RAPH1: variants seen among roughly 807,000 people sequenced by gnomAD.
RAPH1 encodes ras-associated and pleckstrin homology domains-containing protein 1.
A neutral mutation model predicts 88.1 loss-of-function variants in RAPH1; 18 were observed. The ratio of observed to expected loss-of-function variants is 0.20; its 90% CI spans 0.14 to 0.30. RAPH1 has a LOEUF of 0.30. Among genes scored for constraint, RAPH1 ranks in the 10% least tolerant of loss-of-function variants. The probability of loss-of-function intolerance (pLI) is 1.00; values close to 1 mark genes in which losing one functional copy is unlikely to be tolerated. For missense variants in RAPH1, 1,448 were observed against 1,543.2 expected, an observed-to-expected ratio of 0.94 and a Z score of 1.03; for synonymous variants, 587 against 559.0, an observed-to-expected ratio of 1.05 and a Z score of -0.71.
At chr2:203,496,353 C>T (rs1216068285) in intron 1 of RAPH1, among the ~76,000 whole-genome samples, 3 of 137,558 alleles carry the variant, frequency 2.2e-5, no homozygotes, top group Non-Finnish European at 4.7e-5. Flanking sequence ...AGTGAAACTC[C>T]GTCTCAAAAA....
In RAPH1 at chr2:203,440,477, G is replaced by T; in HGVS notation, c.2713C>A (p.Gln905Lys). ...PPAVKAKPKW[Q>K]PSSIPVPSPD... ...GAAGGGACTGGGATGGAGCTGGGCT[G>T]CCACTTGGGCTTTGCTTTTACTGCA... Residue 905 changes from glutamine (Q) to lysine (K), a missense_variant, in exon 14 of 14, where the codon CAG becomes AAG. Physicochemically the swap from Gln to Lys is moderately conservative, Grantham distance 53. Around this residue, in one of 2 missense-constraint regions of RAPH1, gnomAD observed 935 missense variants for 890.1 expected, o/e 1.05. Coordinates refer to ENST00000319170, the MANE Select transcript of RAPH1 (RefSeq NM_213589.3). 6.5e-7 allele frequency: 1 copy of T among 1,533,266 alleles called. No homozygotes were observed. The allele number at this position is 1,533,266 out of a possible 1,614,324, so 95.0% of individuals were successfully genotyped here. A position where few individuals can be genotyped will look rare whatever the true frequency, so the allele number is the denominator to read the frequency against.
intron 4 of RAPH1, among the ~76,000 whole-genome samples, chr2:203,478,529 G>A (rs185538791): frequency 8.6e-5 from 13 of 150,634 alleles, no homozygotes; most frequent in Non-Finnish European, 1.6e-4. Context: ...TCACTCTGTC[G>A]CTCGGGCTGG....
chr2:203,451,901 G>T (rs1368518176), intron 10 of RAPH1, among the ~76,000 whole-genome samples: 1 of 152,160 alleles, frequency 6.6e-6, no homozygotes, highest in Non-Finnish European at 1.5e-5. Flanking sequence ...CTCAAAAGGA[G>T]GGTGGTTGAG....
chr2:203,519,587 C>G (rs915870411), intron 1 of RAPH1, among the ~76,000 whole-genome samples: 1 of 152,008 alleles, frequency 6.6e-6, no homozygotes, highest in Admixed American at 6.6e-5. Flanking sequence ...AGATCAGGAA[C>G]AAGATAAGGA....
Position 203,518,472 on chromosome 2 carries a change from C to T in RAPH1, c.-1+16639G>A, listed in dbSNP as rs760692161. ...GGTGGAGGTTGTAGTGAGCCGAGAT[C>T]GCACCACTGCACTCCAGCCTGGGCA... On this transcript the variant is annotated intron_variant, in intron 1 of 13. Transcript: ENST00000319170. 7.9e-5 allele frequency among the ~76,000 whole-genome samples: 12 copies of T among 151,302 alleles called. No individual in the cohort carries two copies. In the East Asian group the frequency reaches 2.1e-3, roughly 27 times the overall value.
chr2:203,530,278 T>G (rs747912817), intron 1 of RAPH1, among the ~76,000 whole-genome samples: 1 of 152,218 alleles, frequency 6.6e-6, no homozygotes, highest in Non-Finnish European at 1.5e-5. Flanking sequence ...CTCTCAAATA[T>G]ATAAAGCTGG....
chr2:203,464,446 T>C lies in RAPH1; in HGVS notation c.733-2521A>G, dbSNP rs181774406. Among the ~76,000 whole-genome samples, 507 of 152,320 alleles carry C rather than the reference T, an allele frequency of 3.3e-3. 1 individual carries two copies. The highest frequency in any genetic ancestry group is 5.8e-3 in the Non-Finnish European group (392 of 68,036). On this transcript the variant is annotated intron_variant, in intron 4 of 13. Coordinates refer to ENST00000319170, the MANE Select transcript of RAPH1 (RefSeq NM_213589.3). ...GCCACCATGCCCGGCTAATTTTGTA[T>C]TTTTAGAAGAGACAGGGTTTCGCCA...
chr2:203,483,539 G>A (rs1172798892), intron 4 of RAPH1, among the ~76,000 whole-genome samples: 3 of 152,212 alleles, frequency 2.0e-5, no homozygotes, highest in East Asian at 3.8e-4. Context: ...TTTAGGTTTA[G>A]ACCAGTTAAA....
chr2:203,461,521 C>T, intron 5 of RAPH1, 113 bp from the exon 6 acceptor site: 1 of 776,842 alleles, frequency 1.3e-6, no homozygotes, highest in Non-Finnish European at 1.9e-6. Flanking sequence ...TAAATTAAAA[C>T]ACAAATAATG....
intron 5 of RAPH1, 131 bp downstream of exon 5, chr2:203,461,717 A>T (rs1396716442): frequency 1.1e-5 from 7 of 632,814 alleles, no homozygotes; most frequent in Non-Finnish European, 1.8e-5. Flanking sequence ...CATGTGAAAA[A>T]TATATTACTA....
chr2:203,442,297 C>T (rs904107004), intron 13 of RAPH1: 22 of 413,596 alleles, frequency 5.3e-5, no homozygotes, highest in African/African-American at 8.3e-5. Flanking sequence ...TAATCATGCA[C>T]GATGGTGGTT....
chr2:203,528,029 C>G (rs1310128272), intron 1 of RAPH1, among the ~76,000 whole-genome samples: 1 of 151,974 alleles, frequency 6.6e-6, no homozygotes, highest in African/African-American at 2.4e-5. Flanking sequence ...ACAGGTTTGT[C>G]TCATGGCAAA....
At position 203,441,065 on chromosome 2, in the gene RAPH1, C is replaced by T; in HGVS notation, c.2125G>A (p.Val709Ile). 6.7e-7 allele frequency: 1 copy of T among 1,502,338 alleles called. No individual in the cohort carries two copies. 93.1% of individuals were successfully genotyped at this position (1,502,338 alleles called of 1,614,324 possible). ...GGAGGAGGGGGAGGGGGTGGTGGAA[C>T]AACTCCATTGGGGGGTACCAGGATC... ...PQILVPPNGV[V>I]PPPPPPPPPP... Residue 709 changes from valine to isoleucine, a missense_variant, in exon 14 of 14, where the codon GTT becomes ATT. Physicochemically the swap from Val to Ile is conservative, Grantham distance 29. Transcript: ENST00000319170.
chr2:203,516,906 C>T (rs963547422), intron 1 of RAPH1, among the ~76,000 whole-genome samples: 6 of 151,736 alleles, frequency 4.0e-5, no homozygotes, highest in African/African-American at 9.7e-5. Context: ...TGGTGGTGGG[C>T]GCCTGTAGTT....
Position 203,437,103 on chromosome 2 carries a change from G to C in RAPH1, c.*2334C>G, listed in dbSNP as rs2098499136. 1.3e-5 allele frequency: 2 copies of C among 152,142 alleles called. No individual in the cohort carries two copies. The highest frequency in any genetic ancestry group is 1.3e-4 in the Admixed American group (2 of 15,274). The allele number at this position is 152,142 out of a possible 1,614,324, so 9.4% of individuals were successfully genotyped here. On this transcript the variant is annotated 3_prime_UTR_variant, in exon 14 of 14. Transcript: ENST00000319170. ...GGATGTCTGCTATTCCAGGAAAACA[G>C]ACCAGAAGCATCTGTTCAGGATGGC...
intron 1 of RAPH1, among the ~76,000 whole-genome samples, chr2:203,528,991 ATATATATATATATATTTTTT>A (rs1410728551): frequency 2.6e-5 from 2 of 76,462 alleles, no homozygotes; most frequent in Non-Finnish European, 4.9e-5. Flanking sequence ...ATATATATAT[ATATATATATATATATTTTTT>A]TTTTTTTTTT....
chr2:203,523,426 AG>A (rs1689983065), intron 1 of RAPH1, among the ~76,000 whole-genome samples: 1 of 151,254 alleles, frequency 6.6e-6, no homozygotes, highest in South Asian at 2.1e-4. Flanking sequence ...GAACTGAGGT[AG>A]GCAATGAGGA....
intron 1 of RAPH1, among the ~76,000 whole-genome samples, chr2:203,506,856 CTATATA>C (rs1231672342): frequency 3.2e-5 from 1 of 30,776 alleles, no homozygotes; most frequent in African/African-American, 1.7e-4. Context: ...CTATCTATAT[CTATATA>C]TATATATATA....
chr2:203,468,388 T>C (rs1056572967), intron 4 of RAPH1, among the ~76,000 whole-genome samples: 2 of 152,154 alleles, frequency 1.3e-5, no homozygotes, highest in African/African-American at 2.4e-5. Flanking sequence ...CCAAGCTCTT[T>C]TCCTTGACTT....
Sources: gnomAD v4.1 joint callset for allele counts (sites outside exome capture counted in the v4.1 genomes callset) on GRCh38, gnomAD v4.1.1 for gene constraint, gnomAD v4.1.1 regional missense constraint, MANE v1.5 for transcripts, NCBI Gene and HGNC (gene_info 2026-07-23, HGNC 2026-07-21) for gene names.